ARVCF: variants seen among roughly 807,000 people sequenced by gnomAD.
ARVCF encodes the protein ARVCF delta catenin family member.
A neutral mutation model predicts 90.9 loss-of-function variants in ARVCF; 66 were observed. That is an observed-to-expected ratio of 0.73 (90% confidence interval 0.60 to 0.89). The LOEUF is 0.89. ARVCF is among the 40% of genes least tolerant of loss of function. ARVCF has a pLI of 0.00. For synonymous variants in ARVCF, 653 were observed against 603.4 expected (o/e 1.08, Z -1.21); for missense variants, 1,469 against 1,382.3 (o/e 1.06, Z -1.00).
At chr22:19,977,302 G>T (rs1943210293) in intron 9 of ARVCF, 113 bp downstream of exon 9, 12 of 1,357,464 alleles carry the variant, frequency 8.8e-6, no homozygotes, top group Middle Eastern at 2.1e-4. Flanking sequence ...CCTGTTGGGG[G>T]CTGACCAGGT....
At chr22:19,983,584 T>C in intron 3 of ARVCF, 1 of 152,384 alleles carries the variant, frequency 6.6e-6, no homozygotes, top group Non-Finnish European at 1.5e-5. Context: ...AGAAGGCACC[T>C]CCCCCTCTCC....
chr22:19,978,137 G>A, intron 7 of ARVCF, 62 bp from the exon 8 acceptor site: 2 of 1,468,144 alleles, frequency 1.4e-6, no homozygotes, highest in Non-Finnish European at 9.2e-7. Context: ...GCTCCACCCT[G>A]GCCTTGTGGG....
At chr22:20,006,153 T>C (rs1484666442) in intron 2 of ARVCF, among the ~76,000 whole-genome samples, 1 of 151,712 alleles carries the variant, frequency 6.6e-6, no homozygotes, top group African/African-American at 2.4e-5. Context: ...TTTGCAAGAA[T>C]AAAAAAAAGT....
At chr22:19,970,909 G>A (rs1488956224) in intron 19 of ARVCF, among the ~76,000 whole-genome samples, 166 bp from the exon 20 acceptor site, 2 of 152,218 alleles carry the variant, frequency 1.3e-5, no homozygotes, top group Non-Finnish European at 2.9e-5. Context: ...TGGCACCAGG[G>A]CTGATCCTGA....
At position 19,970,036 on chromosome 22, in the gene ARVCF, T is replaced by G. The variant is rs956958697; in HGVS notation, c.*720A>C. On this transcript the variant is annotated 3_prime_UTR_variant, in exon 20 of 20. Transcript: ENST00000263207. ...CACGAACAGCAGGCACTGAAAGCAG[T>G]CCCCCAGCCACTGCCGAAGGTCAGT... 5.1e-6 allele frequency: 5 copies of G among 985,492 alleles called. No individual in the cohort carries two copies. In the South Asian group the frequency reaches 1.4e-4, roughly 28 times the overall value. The allele number at this position is 985,492 out of a possible 1,614,324, so 61.0% of individuals were successfully genotyped here. A position where few individuals can be genotyped will look rare whatever the true frequency, so the allele number is the denominator to read the frequency against.
intron 2 of ARVCF, among the ~76,000 whole-genome samples, chr22:19,998,364 G>A (rs1338088993): frequency 2.6e-5 from 4 of 152,252 alleles, no homozygotes; most frequent in African/African-American, 4.8e-5. Context: ...TTTGAGGGGA[G>A]GTGGGGTGCA....
At chr22:20,008,581 G>A (rs889646563) in intron 2 of ARVCF, among the ~76,000 whole-genome samples, 4 of 152,194 alleles carry the variant, frequency 2.6e-5, no homozygotes, top group Non-Finnish European at 2.9e-5. Context: ...GGGTGAGTGG[G>A]TGCTGAGTGT....
At chr22:19,978,766 G>A in intron 7 of ARVCF, 131 bp downstream of exon 7, 1 of 1,131,892 alleles carries the variant, frequency 8.8e-7, no homozygotes, top group Non-Finnish European at 1.2e-6. Flanking sequence ...TCATCCACAG[G>A]ACTTGTGCCA....
chr22:20,009,676 G>A (rs757246504), intron 2 of ARVCF, among the ~76,000 whole-genome samples: 1 of 152,228 alleles, frequency 6.6e-6, no homozygotes, highest in Non-Finnish European at 1.5e-5. Context: ...TGTGAGCAGG[G>A]TATGCCTTAC....
chr22:19,974,995 C>T (rs900959858), intron 11 of ARVCF, among the ~76,000 whole-genome samples: 44 of 152,194 alleles, frequency 2.9e-4, no homozygotes, highest in Admixed American at 2.4e-3. Flanking sequence ...CACCCAGTGA[C>T]ATTTCATCAC....
intron 12 of ARVCF, 139 bp downstream of exon 12, chr22:19,973,972 GC>G: frequency 6.8e-7 from 1 of 1,480,450 alleles, no homozygotes; most frequent in South Asian, 1.3e-5. Context: ...CGCATTGCCC[GC>G]AGCCCATACA....
At chr22:19,991,359 C>T (rs1447031526) in intron 2 of ARVCF, among the ~76,000 whole-genome samples, 1 of 152,250 alleles carries the variant, frequency 6.6e-6, no homozygotes, top group African/African-American at 2.4e-5. Flanking sequence ...GTGACCATAG[C>T]CTGAGAGCTC....
rs374071972 is a variant in ARVCF, at chr22:19,994,425, G to A, written c.-18-3613C>T. On this transcript the variant is annotated intron_variant, in intron 2 of 19. Transcript: ENST00000263207. ...AAATGAATGGATGGATGGGTGGGTCGGGGGATAGTGGAGGAAGAACATATA... is the reference window on the plus strand; with the variant it reads ...AAATGAATGGATGGATGGGTGGGTCAGGGGATAGTGGAGGAAGAACATATA... Among the ~76,000 whole-genome samples the A allele has an allele frequency of 2.1e-4, 29 of 140,142 alleles. No individual in the cohort carries two copies. The East Asian group carries it at 4.5e-3, about 22-fold the overall frequency. The allele number at this position is 140,142 out of a possible 152,430, so 91.9% of individuals were successfully genotyped here. A position where few individuals can be genotyped will look rare whatever the true frequency, so the allele number is the denominator to read the frequency against.
intron 1 of ARVCF, among the ~76,000 whole-genome samples, chr22:20,012,153 A>G (rs1228193399): frequency 7.9e-6 from 1 of 125,878 alleles, no homozygotes; most frequent in Non-Finnish European, 1.6e-5. Flanking sequence ...CTCCTACCTC[A>G]TGGGGTCCAG....
At chr22:19,996,643 G>A (rs1944263458) in intron 2 of ARVCF, among the ~76,000 whole-genome samples, 1 of 152,216 alleles carries the variant, frequency 6.6e-6, no homozygotes, top group South Asian at 2.1e-4. Flanking sequence ...CTGCTCCAGA[G>A]CCCCACAGTC....
chr22:19,990,818 G>C lies in ARVCF; in HGVS notation c.-18-6C>G. ...ATGACCAGAGCGCCCGCCAGCTGCA[G>C]GCAAAGCAGAGTAAGCTCAGTGGGG... On this transcript the variant is annotated splice_region_variant and splice_polypyrimidine_tract_variant and intron_variant, in intron 2 of 19. Coordinates refer to ENST00000263207, the MANE Select transcript of ARVCF (RefSeq NM_001670.3). 1 of 1,544,020 alleles carries C rather than the reference G, an allele frequency of 6.5e-7. No homozygotes were observed. The highest frequency in any genetic ancestry group is 8.8e-7 in the Non-Finnish European group (1 of 1,142,186).
chr22:19,990,937 G>A lies in ARVCF; in HGVS notation c.-18-125C>T, dbSNP rs937820743. On this transcript the variant is annotated intron_variant, in intron 2 of 19. Coordinates refer to ENST00000263207, the MANE Select transcript of ARVCF (RefSeq NM_001670.3). ...CCAGACCAGAGCATCCAGCCCTCTA[G>A]AGGGAAGCACACTGATTAAATTCTA... The A allele has an allele frequency of 2.6e-5, 24 of 941,020 alleles. No homozygotes were observed. The African/African-American group carries it at 3.6e-4, about 14-fold the overall frequency. The allele number at this position is 941,020 out of a possible 1,614,324, so 58.3% of individuals were successfully genotyped here. A position where few individuals can be genotyped will look rare whatever the true frequency, so the allele number is the denominator to read the frequency against.
Position 19,970,319 on chromosome 22 carries a change from A to G in ARVCF, c.*437T>C. ...GAGACCCTCCGCCTTTAGAAGTCCA[A>G]GTTCTTTCCCAGCCCCCTCCCTGCC... On this transcript the variant is annotated 3_prime_UTR_variant, in exon 20 of 20. Transcript: ENST00000263207. The G allele has an allele frequency of 1.0e-6, 1 of 996,768 alleles. No individual in the cohort carries two copies. The highest frequency in any genetic ancestry group is 1.2e-6 in the Non-Finnish European group (1 of 836,752). The allele number at this position is 996,768 out of a possible 1,614,324, so 61.7% of individuals were successfully genotyped here.
chr22:19,972,233 G>A, intron 17 of ARVCF, 125 bp downstream of exon 17: 21 of 1,330,102 alleles, frequency 1.6e-5, no homozygotes, highest in Non-Finnish European at 2.1e-5. Flanking sequence ...CACCCTCTAA[G>A]CACCCCTAAA....
Sources: allele counts gnomAD v4.1 joint callset (sites outside exome capture counted in the v4.1 genomes callset), GRCh38; gene constraint gnomAD v4.1.1; transcripts MANE v1.5; gene names NCBI Gene and HGNC (gene_info 2026-07-23, HGNC 2026-07-21).